C10orf53: variants seen among roughly 807,000 people sequenced by gnomAD.
The protein encoded by C10orf53 is chromosome 10 open reading frame 53.
A neutral mutation model predicts 9.4 loss-of-function variants in C10orf53; 8 were observed. The observed-to-expected ratio is 0.85, with a 90% CI of 0.50 to 1.53. C10orf53 has a LOEUF of 1.53. C10orf53 is among the 40% of genes most tolerant of loss of function. C10orf53 has a pLI of 0.00. For synonymous variants in C10orf53, 48 were observed against 46.0 expected, an observed-to-expected ratio of 1.04 and a Z score of -0.18; for missense variants, 117 against 117.8, an observed-to-expected ratio of 0.99 and a Z score of 0.03.
intron 1 of C10orf53, among the ~76,000 whole-genome samples, chr10:49,688,751 C>T (rs188011637): frequency 1.6e-3 from 246 of 152,252 alleles, no homozygotes; most frequent in Non-Finnish European, 2.8e-3. Context: ...ACAGCCGCTC[C>T]GCCTGGAACG....
At chr10:49,702,018 A>G (rs544125143), downstream of C10orf53, among the ~76,000 whole-genome samples, 1 of 152,226 alleles carries the variant, frequency 6.6e-6, no homozygotes, top group East Asian at 1.9e-4. Context: ...CCTGGCTAAC[A>G]TGGTGAAACC....
chr10:49,708,797 C>G (rs1840741709), exon 3 of C10orf53: 1 of 791,002 alleles, frequency 1.3e-6, no homozygotes, highest in Non-Finnish European at 2.0e-6. Context: ...CGTGATTCTC[C>G]CCAGCTCTGA....
chr10:49,699,190 C>CTTTTTTT (rs67695235), downstream of C10orf53, among the ~76,000 whole-genome samples: 2,055 of 64,878 alleles, frequency 0.032, 567 homozygotes, highest in East Asian at 0.084. Context: ...GTGGCTCAAT[C>CTTTTTTT]TTTTTTTTTT....
At chr10:49,687,732 C>T (rs1038042362) in intron 1 of C10orf53, among the ~76,000 whole-genome samples, 2 of 152,158 alleles carry the variant, frequency 1.3e-5, no homozygotes, top group Non-Finnish European at 2.9e-5. Flanking sequence ...AGGGGAGGTG[C>T]AGGCAACCTG....
chr10:49,705,438 T>C (rs1840716273), intron 2 of C10orf53, among the ~76,000 whole-genome samples: 2 of 152,166 alleles, frequency 1.3e-5, no homozygotes, highest in South Asian at 2.1e-4. Context: ...GACCCTAGCA[T>C]AGCAGAGGGC....
chr10:49,685,013 C>A (rs1309838760), intron 1 of C10orf53, among the ~76,000 whole-genome samples: 1 of 152,116 alleles, frequency 6.6e-6, no homozygotes, highest in African/African-American at 2.4e-5. Context: ...TTTCAAAGAA[C>A]AAGGGATTCT....
chr10:49,682,550 TTG>T (rs1840489616), intron 1 of C10orf53, among the ~76,000 whole-genome samples: 1 of 1,434 alleles, frequency 7.0e-4, no homozygotes, highest in Non-Finnish European at 3.9e-3. Context: ...CAGGAGCCAG[TTG>T]CTGCTGCTGG....
chr10:49,692,401 A>G (rs1840593466), intron 1 of C10orf53, among the ~76,000 whole-genome samples: 1 of 152,232 alleles, frequency 6.6e-6, no homozygotes, highest in Non-Finnish European at 1.5e-5. Context: ...TAAAATGTTC[A>G]CAGTTGGGGC....
chr10:49,680,410 G>T (rs941164662), intron 1 of C10orf53, among the ~76,000 whole-genome samples: 1 of 152,214 alleles, frequency 6.6e-6, no homozygotes, highest in African/African-American at 2.4e-5. Flanking sequence ...CCTTAAATGA[G>T]CCCACATTTA....
chr10:49,692,511 G>A (rs972749229), intron 1 of C10orf53, among the ~76,000 whole-genome samples: 1 of 152,208 alleles, frequency 6.6e-6, no homozygotes, highest in Admixed American at 6.5e-5. Context: ...TGACATAACT[G>A]TTTGCTTTAC....
At chr10:49,697,919 G>A (rs1840649943), downstream of C10orf53, among the ~76,000 whole-genome samples, 1 of 152,162 alleles carries the variant, frequency 6.6e-6, no homozygotes, top group African/African-American at 2.4e-5. Flanking sequence ...AAAAAGAATA[G>A]ATTTTCAAGG....
At chr10:49,684,295 A>T (rs776875816) in intron 1 of C10orf53, among the ~76,000 whole-genome samples, 16 of 152,302 alleles carry the variant, frequency 1.1e-4, no homozygotes, top group Non-Finnish European at 2.1e-4. Flanking sequence ...AGGAAATGTG[A>T]GTCTTCCAAC....
At chr10:49,681,054 C>T (rs1043836162) in intron 1 of C10orf53, among the ~76,000 whole-genome samples, 5 of 152,190 alleles carry the variant, frequency 3.3e-5, no homozygotes, top group African/African-American at 7.2e-5. Context: ...TTCCACTTAA[C>T]GATTTTTCCA....
At position 49,709,799 on chromosome 10, in the gene C10orf53, T is replaced by A. The variant is rs139728934; in HGVS notation, c.*1182T>A. 5.4e-3 allele frequency: 820 copies of A among 152,568 alleles called. 9 individuals carry two copies. The highest frequency in any genetic ancestry group is 0.018 in the African/African-American group (762 of 41,564). 9.5% of individuals were successfully genotyped at this position (152,568 alleles called of 1,614,324 possible). ...CCCTCCTGGCATCCCCTTCTCCACC[T>A]GGTAAATGCTGCCCAACTCAAGCAG... is the stretch of plus-strand genomic sequence containing the variant. On this transcript the variant is annotated 3_prime_UTR_variant, in exon 3 of 3. Transcript: ENST00000374112.
In C10orf53 at chr10:49,703,178, C is replaced by T. The variant is rs187525890; in HGVS notation, c.218-5183C>T. Among the ~76,000 whole-genome samples the T allele has an allele frequency of 6.6e-5, 10 of 152,138 alleles. No individual in the cohort carries two copies. In the East Asian group the frequency reaches 1.4e-3, roughly 21 times the overall value. On this transcript the variant is annotated intron_variant, in intron 2 of 2. Transcript: ENST00000374112. ...ACTCTTCCCTTGGCTGTGGTTTCACCGGATAGTAGATAGGGACAGTGAGAA... is the reference window on the plus strand; with the variant it reads ...ACTCTTCCCTTGGCTGTGGTTTCACTGGATAGTAGATAGGGACAGTGAGAA...
chr10:49,680,921 G>A (rs913911618), intron 1 of C10orf53, among the ~76,000 whole-genome samples: 1 of 152,180 alleles, frequency 6.6e-6, no homozygotes, highest in Non-Finnish European at 1.5e-5. Flanking sequence ...ATGTGGAATC[G>A]TTCCAAAGGA....
chr10:49,684,466 A>T (rs1184385462), intron 1 of C10orf53, among the ~76,000 whole-genome samples: 1 of 152,230 alleles, frequency 6.6e-6, no homozygotes, highest in African/African-American at 2.4e-5. Context: ...TATTTTAACA[A>T]TATTAAGCCG....
chr10:49,708,443 G>GA lies in C10orf53; in HGVS notation c.303dup (p.Val102SerfsTer34). 6.2e-7 allele frequency: 1 copy of GA among 1,614,164 alleles called. No individual in the cohort carries two copies. Among genetic ancestry groups the GA allele is most frequent in the Non-Finnish European group, 8.5e-7 (1 of 1,180,042 alleles). On this transcript the variant is annotated frameshift_variant, in exon 3 of 3. Transcript: ENST00000374112. LOFTEE classifies it low-confidence loss of function (END_TRUNC). ...ACCAGCTTAGCAGCCCGTGTAGGAT[G>GA]AAAGTTTCTCCTTTGCAACAGTTCC...
chr10:49,689,365 G>A (rs1840560383), intron 1 of C10orf53, among the ~76,000 whole-genome samples: 1 of 152,186 alleles, frequency 6.6e-6, no homozygotes, highest in African/African-American at 2.4e-5. Flanking sequence ...AAGAATTCAT[G>A]GCTGATGAAA....
Sources: gnomAD v4.1 joint callset for allele counts (sites outside exome capture counted in the v4.1 genomes callset) on GRCh38, gnomAD v4.1.1 for gene constraint, MANE v1.5 for transcripts, NCBI Gene and HGNC (gene_info 2026-07-23, HGNC 2026-07-21) for gene names.